The following HIF1A variants were observed in gnomAD, a reference collection of about 807,000 sequenced individuals.
HIF1A encodes the protein hypoxia inducible factor 1 subunit alpha.
In HIF1A, 24 loss-of-function variants were observed where a neutral mutation model predicts 92.7. The ratio of observed to expected loss-of-function variants is 0.26; its 90% CI spans 0.19 to 0.36. HIF1A has a LOEUF of 0.36. HIF1A is among the 10% of genes least tolerant of loss of function. The pLI, the probability that HIF1A is intolerant of heterozygous loss-of-function variation, is 1.00. For missense variants in HIF1A, 799 were observed against 998.5 expected (o/e 0.80, Z 2.69); for synonymous variants, 319 against 338.7 (o/e 0.94, Z 0.64).
Position 61,738,282 on chromosome 14 carries a change from C to T in HIF1A, c.1445C>T (p.Pro482Leu). The T allele has an allele frequency of 6.2e-7, 1 of 1,614,152 alleles. No homozygotes were observed. Among genetic ancestry groups the T allele is most frequent in the African/African-American group, 1.3e-5 (1 of 75,030 alleles). Residue 482 changes from proline (P) to leucine (L), a missense_variant, in exon 10 of 15, where the codon CCA becomes CTA. Transcript: ENST00000337138. ...QEVALKLEPN[P>L]ESLELSFTMP... Reference sequence around the variant, plus strand: ...GTTGCATTAAAATTAGAACCAAATCCAGAGTCACTGGAACTTTCTTTTACC... The same window carrying T: ...GTTGCATTAAAATTAGAACCAAATCTAGAGTCACTGGAACTTTCTTTTACC...
chr14:61,736,273 A>G (rs2044636688), intron 8 of HIF1A, among the ~76,000 whole-genome samples: 1 of 152,140 alleles, frequency 6.6e-6, no homozygotes, highest in African/African-American at 2.4e-5. Context: ...CACCACGCCC[A>G]GCCTGGATAT....
Position 61,720,910 on chromosome 14 carries a change from C to G in HIF1A, c.226+338C>G, listed in dbSNP as rs377757103. On this transcript the variant is annotated intron_variant, in intron 2 of 14. Transcript: ENST00000337138. ...TAAGATACTGGCTTTTCCCCTCCCCCCTTTTTCTCCTGTTCCATCTACCTT... is the reference window on the plus strand; with the variant it reads ...TAAGATACTGGCTTTTCCCCTCCCCGCTTTTTCTCCTGTTCCATCTACCTT... Among the ~76,000 whole-genome samples, 57 of 152,242 alleles carry G rather than the reference C, an allele frequency of 3.7e-4. No homozygotes were observed. The East Asian group carries it at 6.0e-3, about 16-fold the overall frequency.
rs376973841 is a variant in HIF1A at position 61,740,502 on chromosome 14, C to A, written c.1537-3C>A. 7 of 1,554,392 alleles carry A rather than the reference C, an allele frequency of 4.5e-6. No individual in the cohort carries two copies. The highest frequency in any genetic ancestry group is 3.5e-6 in the Non-Finnish European group (4 of 1,148,890). On this transcript the variant is annotated splice_polypyrimidine_tract_variant and splice_region_variant and intron_variant, in intron 10 of 14. Transcript: ENST00000337138. ...GAAATAGTAAACATATTTCTTTTTA[C>A]AGCCTAATAGTCCCAGTGAATATTG...
intron 4 of HIF1A, among the ~76,000 whole-genome samples, chr14:61,725,313 C>T (rs771053618): frequency 4.6e-5 from 7 of 152,118 alleles, no homozygotes; most frequent in Non-Finnish European, 1.0e-4. Context: ...TTTGTATTGC[C>T]TACAATATCT....
At chr14:61,738,693 A>T (rs1296792230) in intron 10 of HIF1A, among the ~76,000 whole-genome samples, 3 of 152,170 alleles carry the variant, frequency 2.0e-5, no homozygotes, top group African/African-American at 7.2e-5. Flanking sequence ...GAATAGTACT[A>T]AGTGTGCTCA....
rs573161323 is a variant in HIF1A at position 61,733,790 on chromosome 14, G to A, written c.881-348G>A. On this transcript the variant is annotated intron_variant, in intron 7 of 14. Transcript: ENST00000337138. ...CTGGAAACCATAGTCAGAATTTAAGGAAGTTATTGTGGCACCATTTTCTTG... is the reference window on the plus strand; with the variant it reads ...CTGGAAACCATAGTCAGAATTTAAGAAAGTTATTGTGGCACCATTTTCTTG... Among the ~76,000 whole-genome samples the A allele has an allele frequency of 9.2e-5, 14 of 152,244 alleles. No homozygotes were observed. The South Asian group carries it at 2.9e-3, about 32-fold the overall frequency.
chr14:61,733,265 TA>T (rs567154512), intron 7 of HIF1A, among the ~76,000 whole-genome samples: 120 of 152,306 alleles, frequency 7.9e-4, no homozygotes, highest in African/African-American at 2.7e-3. Context: ...TTTGTATTTT[TA>T]GTATAGACAG....
intron 1 of HIF1A, among the ~76,000 whole-genome samples, chr14:61,696,948 T>G (rs893768107): frequency 9.2e-5 from 14 of 152,188 alleles, no homozygotes; most frequent in Admixed American, 3.9e-4. Flanking sequence ...ACCAGTGGTG[T>G]TAAGAGCGGA....
At chr14:61,737,435 A>G (rs2044650380) in intron 9 of HIF1A, among the ~76,000 whole-genome samples, 1 of 152,206 alleles carries the variant, frequency 6.6e-6, no homozygotes, top group Non-Finnish European at 1.5e-5. Flanking sequence ...GGAAGTAGGC[A>G]TTGTTGCATT....
At chr14:61,741,383 CAG>C (rs2044710580) in intron 12 of HIF1A, among the ~76,000 whole-genome samples, 195 bp downstream of exon 12, 1 of 130,774 alleles carries the variant, frequency 7.6e-6, no homozygotes, top group African/African-American at 2.8e-5. Flanking sequence ...TTTTTTGAGA[CAG>C]AGTCTCGCTT....
chr14:61,745,544 ATAACT>A (rs550833997), intron 13 of HIF1A, 142 bp from the exon 14 acceptor site: 599 of 705,640 alleles, frequency 8.5e-4, no homozygotes, highest in African/African-American at 3.4e-3. Context: ...TGGATGACAA[ATAACT>A]TAAGAAAGAA....
intron 13 of HIF1A, among the ~76,000 whole-genome samples, chr14:61,745,336 T>C (rs974152809): frequency 6.6e-6 from 1 of 152,040 alleles, no homozygotes; most frequent in African/African-American, 2.4e-5. Context: ...GGCAGGAGAA[T>C]AGCTTGAACC....
In HIF1A at chr14:61,695,770, G is replaced by T. The variant is rs749244317; in HGVS notation, c.-35G>T. The T allele has an allele frequency of 4.6e-5, 73 of 1,570,160 alleles. 1 individual carries two copies. In the South Asian group the frequency reaches 8.3e-4, roughly 18 times the overall value. ...TTAGGCCGGAGCGAGCCTGGGGGCC[G>T]CCCGCCGTGAAGACATCGCGGGGAC... On this transcript the variant is annotated 5_prime_UTR_variant, in exon 1 of 15. Coordinates refer to ENST00000337138, the MANE Select transcript of HIF1A (RefSeq NM_001530.4).
intron 13 of HIF1A, 68 bp downstream of exon 13, chr14:61,744,881 G>A (rs1429325737): frequency 2.9e-5 from 19 of 645,798 alleles, no homozygotes. Flanking sequence ...GTGTGTGTGT[G>A]TGTGTGTGTG....
chr14:61,726,638 T>C lies in HIF1A; in HGVS notation c.458-68T>C, dbSNP rs140465454. On this transcript the variant is annotated intron_variant, in intron 4 of 14. Transcript: ENST00000337138. ...TCAGTTGATCTAGGTGATGGGCACT[T>C]TGTTACTTTTATTGTAACAAATTTG... 4.0e-5 allele frequency: 37 copies of C among 935,370 alleles called. No homozygotes were observed. The African/African-American group carries it at 4.8e-4, about 12-fold the overall frequency. The allele number at this position is 935,370 out of a possible 1,614,324, so 57.9% of individuals were successfully genotyped here.
chr14:61,701,701 T>C (rs753599462), intron 1 of HIF1A, among the ~76,000 whole-genome samples: 4 of 152,246 alleles, frequency 2.6e-5, no homozygotes, highest in Admixed American at 6.5e-5. Flanking sequence ...AATTTGAAAT[T>C]TGTGGGCTGG....
chr14:61,713,227 G>T (rs1412111832), intron 1 of HIF1A, among the ~76,000 whole-genome samples: 1 of 152,104 alleles, frequency 6.6e-6, no homozygotes, highest in Non-Finnish European at 1.5e-5. Context: ...ACATTTAATG[G>T]GATTTTAATC....
intron 1 of HIF1A, among the ~76,000 whole-genome samples, chr14:61,702,455 A>T (rs1238111649): frequency 6.6e-6 from 1 of 150,556 alleles, no homozygotes; most frequent in Non-Finnish European, 1.5e-5. Flanking sequence ...AAAAAAAAAA[A>T]AATTAAAAAG....
At chr14:61,703,580 C>T (rs950469597) in intron 1 of HIF1A, among the ~76,000 whole-genome samples, 4 of 150,988 alleles carry the variant, frequency 2.6e-5, no homozygotes, top group East Asian at 1.9e-4. Flanking sequence ...TGGAAGAGGA[C>T]GGCTAGCATC....
Sources: allele counts gnomAD v4.1 joint callset (sites outside exome capture counted in the v4.1 genomes callset), GRCh38; gene constraint gnomAD v4.1.1; transcripts MANE v1.5; gene names NCBI Gene and HGNC (gene_info 2026-07-23, HGNC 2026-07-21).